PTPRN2: variants seen among roughly 807,000 people sequenced by gnomAD.
PTPRN2 encodes receptor-type tyrosine-protein phosphatase N2.
PTPRN2 carries 74 observed loss-of-function variants against 118.8 expected under a neutral mutation model. The ratio of observed to expected loss-of-function variants is 0.62; its 90% CI spans 0.52 to 0.76. The LOEUF (loss-of-function observed/expected upper bound fraction) is 0.76, where lower values mean the gene tolerates loss of function less well. PTPRN2 is among the 30% of genes least tolerant of loss of function. The pLI is 0.00. For synonymous variants in PTPRN2, 641 were observed against 608.0 expected (o/e 1.05, Z -0.80); for missense variants, 1,481 against 1,394.4 (o/e 1.06, Z -0.99).
intron 4 of PTPRN2, among the ~76,000 whole-genome samples, chr7:158,202,697 G>A (rs997340657): frequency 2.6e-5 from 4 of 152,258 alleles, no homozygotes; most frequent in African/African-American, 9.6e-5. Context: ...TCTTGCCTGG[G>A]TTCAACACTC....
intron 21 of PTPRN2, among the ~76,000 whole-genome samples, chr7:157,555,116 C>T (rs1798816902): frequency 6.6e-6 from 1 of 152,242 alleles, no homozygotes; most frequent in African/African-American, 2.4e-5. Flanking sequence ...ACACCAGGCT[C>T]TGCGTGCTCC....
intron 2 of PTPRN2, among the ~76,000 whole-genome samples, chr7:158,383,304 T>A (rs1811102463): frequency 6.6e-6 from 1 of 152,228 alleles, no homozygotes; most frequent in Non-Finnish European, 1.5e-5. Context: ...CTTCTATTAG[T>A]GAATGTATCT....
intron 12 of PTPRN2, among the ~76,000 whole-genome samples, chr7:157,774,800 C>T (rs906803932): frequency 9.2e-5 from 14 of 152,100 alleles, no homozygotes; most frequent in Non-Finnish European, 1.3e-4. Flanking sequence ...GGGACCAGTC[C>T]GAGTGGGGAG....
intron 11 of PTPRN2, among the ~76,000 whole-genome samples, chr7:157,969,862 A>C (rs1315845320): frequency 1.3e-5 from 2 of 152,154 alleles, no homozygotes; most frequent in Non-Finnish European, 2.9e-5. Context: ...GAGGAGAGGA[A>C]GAAATGAACG....
At chr7:157,552,762 G>A (rs1798695463) in intron 21 of PTPRN2, among the ~76,000 whole-genome samples, 1 of 152,224 alleles carries the variant, frequency 6.6e-6, no homozygotes, top group Non-Finnish European at 1.5e-5. Context: ...ACATGACGTG[G>A]GGAAGCTCGG....
In PTPRN2 at chr7:158,294,916, C is replaced by A. The variant is rs533074728; in HGVS notation, c.277+21903G>T. Among the ~76,000 whole-genome samples, 7 of 135,178 alleles carry A rather than the reference C, an allele frequency of 5.2e-5. No individual in the cohort carries two copies. In the East Asian group the frequency reaches 1.6e-3, roughly 31 times the overall value. 88.7% of individuals were successfully genotyped at this position (135,178 alleles called of 152,430 possible). A position where few individuals can be genotyped will look rare whatever the true frequency, so the allele number is the denominator to read the frequency against. On this transcript the variant is annotated intron_variant, in intron 3 of 22. Transcript: ENST00000389418. ...CCTGCCTGTCTGCCCAGACACTGCG[C>A]CACTTTCCACGCGCGTGGTTCACCC...
intron 3 of PTPRN2, among the ~76,000 whole-genome samples, chr7:158,279,995 C>T (rs923134903): frequency 1.4e-4 from 21 of 151,642 alleles, no homozygotes; most frequent in South Asian, 4.2e-4. Context: ...ACGGCCCCCA[C>T]GCCCCACCGC....
intron 2 of PTPRN2, among the ~76,000 whole-genome samples, chr7:158,479,117 G>A (rs554258812): frequency 6.6e-6 from 1 of 152,204 alleles, no homozygotes; most frequent in South Asian, 2.1e-4. Context: ...AGACCGAGGT[G>A]CAAAGTGGCT....
chr7:158,514,779 C>A (rs1007957762), intron 1 of PTPRN2, among the ~76,000 whole-genome samples: 1 of 152,178 alleles, frequency 6.6e-6, no homozygotes, highest in Non-Finnish European at 1.5e-5. Flanking sequence ...AGAGGATGAA[C>A]CTGCCCCATC....
chr7:158,411,951 CG>C (rs1235097887), intron 2 of PTPRN2, among the ~76,000 whole-genome samples: 1 of 151,618 alleles, frequency 6.6e-6, no homozygotes, highest in African/African-American at 2.4e-5. Context: ...CAGGGCCCAT[CG>C]CAGCACCCTC....
At chr7:158,008,631 C>T (rs1318463723) in intron 11 of PTPRN2, among the ~76,000 whole-genome samples, 1 of 152,224 alleles carries the variant, frequency 6.6e-6, no homozygotes, top group East Asian at 1.9e-4. Context: ...CAGCAGCCTG[C>T]CCCCCACCAG....
intron 12 of PTPRN2, among the ~76,000 whole-genome samples, chr7:157,817,114 G>A (rs113189373): frequency 0.028 from 4,207 of 152,290 alleles, 227 homozygotes; most frequent in African/African-American, 0.095. Context: ...TGTTCCGGGG[G>A]CGCCGCGGGT....
Position 158,192,503 on chromosome 7 carries a change from A to G in PTPRN2, c.381-8T>C. 1.9e-6 allele frequency: 3 copies of G among 1,573,870 alleles called. No individual in the cohort carries two copies. Among genetic ancestry groups the G allele is most frequent in the South Asian group, 2.3e-5 (2 of 85,216 alleles). On this transcript the variant is annotated splice_polypyrimidine_tract_variant and splice_region_variant and intron_variant, in intron 4 of 22. Coordinates refer to ENST00000389418, the MANE Select transcript of PTPRN2 (RefSeq NM_002847.5). Reference sequence around the variant, plus strand: ...ACGCTGTGTTTTGAGGGCCTGAAAAAGCAAAAGAAACCAGACATCAACCGC... The same window carrying G: ...ACGCTGTGTTTTGAGGGCCTGAAAAGGCAAAAGAAACCAGACATCAACCGC...
rs1039310287 is a variant in PTPRN2 at position 158,045,390 on chromosome 7, C to G, written c.1723+35908G>C. Among the ~76,000 whole-genome samples the G allele has an allele frequency of 3.9e-5, 6 of 152,064 alleles. No homozygotes were observed. The South Asian group carries it at 1.3e-3, about 32-fold the overall frequency. ...TTTTCACTTCTCCATGGTAAAGATC[C>G]CAGCTATCCAGATAAATGCCACTCA... On this transcript the variant is annotated intron_variant, in intron 11 of 22. Coordinates refer to ENST00000389418, the MANE Select transcript of PTPRN2 (RefSeq NM_002847.5).
chr7:158,145,830 G>A (rs999765891), intron 6 of PTPRN2, among the ~76,000 whole-genome samples: 4 of 152,198 alleles, frequency 2.6e-5, no homozygotes, highest in African/African-American at 9.7e-5. Context: ...CCTGGGGGAT[G>A]CCAGGCTGGA....
intron 1 of PTPRN2, among the ~76,000 whole-genome samples, chr7:158,535,887 A>T (rs1447216012): frequency 1.3e-5 from 2 of 150,184 alleles, no homozygotes; most frequent in Non-Finnish European, 2.9e-5. Context: ...GTTTATTTTT[A>T]AAATCTGCAA....
intron 11 of PTPRN2, among the ~76,000 whole-genome samples, chr7:158,033,787 CTG>C (rs1322407954): frequency 6.7e-6 from 1 of 150,018 alleles, no homozygotes; most frequent in East Asian, 2.0e-4. Flanking sequence ...GTCAGCAATG[CTG>C]TGTGTGTGGC....
chr7:158,146,928 C>T (rs1312625185), intron 6 of PTPRN2, among the ~76,000 whole-genome samples: 5 of 151,082 alleles, frequency 3.3e-5, no homozygotes, highest in Non-Finnish European at 5.9e-5. Context: ...GACACCCCAT[C>T]TCACGCCACG....
intron 3 of PTPRN2, among the ~76,000 whole-genome samples, chr7:158,283,639 A>G (rs562466251): frequency 1.3e-5 from 2 of 152,258 alleles, no homozygotes; most frequent in South Asian, 2.1e-4. Flanking sequence ...TTAATCATCA[A>G]CGGTGTTGGC....
Sources: gnomAD v4.1 joint callset for allele counts (sites outside exome capture counted in the v4.1 genomes callset) on GRCh38, gnomAD v4.1.1 for gene constraint, MANE v1.5 for transcripts, NCBI Gene and HGNC (gene_info 2026-07-23, HGNC 2026-07-21) for gene names.